The following TMC1 variants were observed in gnomAD, a reference collection of about 807,000 sequenced individuals.
TMC1 encodes transmembrane channel like 1.
Under a neutral mutation model 105.8 loss-of-function variants are expected in TMC1, and 84 were observed. That is an observed-to-expected ratio of 0.79 (90% CI 0.67 to 0.95). The LOEUF (loss-of-function observed/expected upper bound fraction) is 0.95, where lower values mean the gene tolerates loss of function less well. Ranked by LOEUF, TMC1 falls within the 40% of genes least tolerant of loss-of-function variation. The pLI, the probability that TMC1 is intolerant of heterozygous loss-of-function variation, is 0.00. For missense variants in TMC1, 817 were observed against 914.1 expected (o/e 0.89, Z 1.37); for synonymous variants, 315 against 311.5 (o/e 1.01, Z -0.12).
chr9:72,650,503 T>A (rs1333623097), intron 5 of TMC1, among the ~76,000 whole-genome samples: 3 of 152,220 alleles, frequency 2.0e-5, no homozygotes, highest in East Asian at 1.9e-4. Context: ...CCTTTTTTTT[T>A]AACTTTTATT....
intron 2 of TMC1, among the ~76,000 whole-genome samples, chr9:72,603,386 T>TACACACACACACAC (rs10584160): frequency 1.9e-4 from 28 of 145,228 alleles, no homozygotes; most frequent in Non-Finnish European, 4.3e-4. Flanking sequence ...CTCTCCCCAC[T>TACACACACACACAC]ACACACACAC....
intron 5 of TMC1, among the ~76,000 whole-genome samples, chr9:72,683,733 T>TTATA (rs58007608): frequency 0.041 from 2,179 of 52,808 alleles, 113 homozygotes; most frequent in Middle Eastern, 0.087. Flanking sequence ...GTTACACATT[T>TTATA]TATATATATA....
chr9:72,810,134 A>AT (rs1185119186), intron 18 of TMC1, among the ~76,000 whole-genome samples: 5 of 137,694 alleles, frequency 3.6e-5, no homozygotes, highest in African/African-American at 5.9e-5. Flanking sequence ...CCAGGCATAG[A>AT]TTAAAAAAAA....
At chr9:72,765,534 G>C (rs1827815973) in intron 12 of TMC1, among the ~76,000 whole-genome samples, 2 of 151,424 alleles carry the variant, frequency 1.3e-5, no homozygotes, top group African/African-American at 4.9e-5. Context: ...CATGCACAAA[G>C]GCATGGAGGC....
rs868756162 is a variant in TMC1, at chr9:72,825,207, C to T, written c.2004-1662C>T. Reference sequence around the variant, plus strand: ...CACTAGAAGAGACACAGGGTTAAGTCCATGCATTAAGCATTGATTCTGGTC... The same window carrying T: ...CACTAGAAGAGACACAGGGTTAAGTTCATGCATTAAGCATTGATTCTGGTC... On this transcript the variant is annotated intron_variant, in intron 20 of 23. Transcript: ENST00000297784. Among the ~76,000 whole-genome samples the T allele has an allele frequency of 8.5e-5, 13 of 152,278 alleles. No homozygotes were observed. In the South Asian group the frequency reaches 2.7e-3, roughly 32 times the overall value.
chr9:72,829,196 T>C (rs1829004014), intron 21 of TMC1, among the ~76,000 whole-genome samples: 1 of 152,190 alleles, frequency 6.6e-6, no homozygotes, highest in Admixed American at 6.5e-5. Flanking sequence ...GGCTTAGCTT[T>C]TTATTACCTT....
rs868570521 is a variant in TMC1 at position 72,805,414 on chromosome 9, G to A, written c.1599G>A (p.Leu533=). 6.2e-6 allele frequency: 10 copies of A among 1,613,858 alleles called. No individual in the cohort carries two copies. In the Middle Eastern group the frequency reaches 1.3e-3, roughly 213 times the overall value. Residue 533 remains leucine, a synonymous_variant, in exon 18 of 24, where the codon CTG becomes CTA. Coordinates refer to ENST00000297784, the MANE Select transcript of TMC1 (RefSeq NM_138691.3). ...EFVRLTVSDV[L]TTYVTILIGD... is the part of the protein sequence containing the mutation. ...TGAGGCTGACAGTCTCTGATGTTCT[G>A]ACCACCTACGTCACAATCCTCATTG... is the stretch of plus-strand genomic sequence containing the variant.
chr9:72,803,594 A>G (rs755225621), intron 17 of TMC1, among the ~76,000 whole-genome samples: 6 of 152,234 alleles, frequency 3.9e-5, no homozygotes, highest in Non-Finnish European at 7.3e-5. Flanking sequence ...ACACTTCTCA[A>G]AGAAGAGATT....
At chr9:72,765,639 T>TAA (rs71359521) in intron 12 of TMC1, among the ~76,000 whole-genome samples, 10 of 130,498 alleles carry the variant, frequency 7.7e-5, no homozygotes, top group Non-Finnish European at 1.5e-4. Context: ...CCTGTCATAC[T>TAA]AAAAAAAAAA....
At chr9:72,524,921 G>A (rs1176325715) in intron 1 of TMC1, among the ~76,000 whole-genome samples, 6 of 152,116 alleles carry the variant, frequency 3.9e-5, no homozygotes, top group East Asian at 1.9e-4. Flanking sequence ...AATTAGCGTC[G>A]TTACCGGAAA....
At chr9:72,723,003 A>C (rs1448771367) in intron 8 of TMC1, among the ~76,000 whole-genome samples, 1 of 152,188 alleles carries the variant, frequency 6.6e-6, no homozygotes, top group Non-Finnish European at 1.5e-5. Context: ...ATCTGGAACA[A>C]CTGAAAGCAG....
intron 5 of TMC1, among the ~76,000 whole-genome samples, chr9:72,683,534 A>G (rs114278008): frequency 0.013 from 2,029 of 150,898 alleles, 57 homozygotes; most frequent in African/African-American, 0.047. Flanking sequence ...TAAAAAAATC[A>G]TAGCTTATTT....
At chr9:72,621,326 C>A (rs376529253) in intron 3 of TMC1, among the ~76,000 whole-genome samples, 1 of 152,114 alleles carries the variant, frequency 6.6e-6, no homozygotes, top group Non-Finnish European at 1.5e-5. Flanking sequence ...TTTATTGACT[C>A]CCCCTGTGTG....
At chr9:72,597,430 G>C (rs1031874551) in intron 2 of TMC1, among the ~76,000 whole-genome samples, 2 of 152,164 alleles carry the variant, frequency 1.3e-5, no homozygotes, top group Non-Finnish European at 2.9e-5. Flanking sequence ...CCCCTTCAGG[G>C]TACCTGCTGT....
intron 2 of TMC1, among the ~76,000 whole-genome samples, chr9:72,583,554 T>C (rs1824505647): frequency 6.6e-6 from 1 of 152,254 alleles, no homozygotes; most frequent in Non-Finnish European, 1.5e-5. Flanking sequence ...TGAGAAATCT[T>C]ATACAAGAGC....
chr9:72,636,910 C>A (rs1195892100), intron 4 of TMC1, among the ~76,000 whole-genome samples: 1 of 152,016 alleles, frequency 6.6e-6, no homozygotes, highest in Non-Finnish European at 1.5e-5. Flanking sequence ...GTGTTGTGGG[C>A]AGATGACAAG....
intron 1 of TMC1, among the ~76,000 whole-genome samples, chr9:72,568,309 C>A (rs1036610208): frequency 1.2e-4 from 19 of 152,062 alleles, no homozygotes; most frequent in Non-Finnish European, 1.5e-5. Flanking sequence ...AGGTAGGAAA[C>A]CCTATTCTAA....
At chr9:72,704,914 GATGATTTATACA>G (rs1826709088) in intron 8 of TMC1, among the ~76,000 whole-genome samples, 1 of 152,186 alleles carries the variant, frequency 6.6e-6, no homozygotes. Context: ...CAGCTCTACA[GATGATTTATACA>G]ATGAGGAAGA....
chr9:72,830,029 A>G, intron 21 of TMC1, among the ~76,000 whole-genome samples: 1 of 152,228 alleles, frequency 6.6e-6, no homozygotes, highest in Non-Finnish European at 1.5e-5. Context: ...TTAAGGCAGA[A>G]AGTCGTTTTC....
Sources: allele counts gnomAD v4.1 joint callset (sites outside exome capture counted in the v4.1 genomes callset), GRCh38; gene constraint gnomAD v4.1.1; transcripts MANE v1.5; gene names NCBI Gene and HGNC (gene_info 2026-07-23, HGNC 2026-07-21).